Variants in ZNF714 observed in about 807,000 individuals in gnomAD.
ZNF714 encodes the protein zinc finger protein 714.
Under a neutral mutation model 46.2 loss-of-function variants are expected in ZNF714, and 32 were observed. The observed-to-expected ratio is 0.69, with a 90% CI of 0.52 to 0.93. The LOEUF (loss-of-function observed/expected upper bound fraction) is 0.93, where lower values mean the gene tolerates loss of function less well. Ranked by LOEUF, ZNF714 falls within the 40% of genes least tolerant of loss-of-function variation. The pLI, the probability that ZNF714 is intolerant of heterozygous loss-of-function variation, is 0.00. For missense variants in ZNF714, 635 were observed against 646.3 expected (o/e 0.98, Z 0.19); for synonymous variants, 199 against 213.1 (o/e 0.93, Z 0.58).
rs755171227 is a variant in ZNF714 at position 21,098,835 on chromosome 19, G to C, written c.67G>C (p.Asp23His). The C allele has an allele frequency of 4.4e-6, 7 of 1,608,948 alleles. No homozygotes were observed. The highest frequency in any genetic ancestry group is 5.9e-6 in the Non-Finnish European group (7 of 1,178,036). Residue 23 changes from aspartate (D) to histidine (H), a missense_variant, in exon 4 of 5, where the codon GAC becomes CAC. Asp to His is a moderately conservative substitution (Grantham distance 81, BLOSUM62 -1). Transcript: ENST00000456283. ...AGCAGGTATTGCTGTCTCTAAGCAA[G>C]ACCCGATCACCAGTCTAGAGCAAGA... is the stretch of plus-strand genomic sequence containing the variant. Reference protein sequence around the residue: ...FLAGIAVSKQDPITSLEQEKE... With the variant: ...FLAGIAVSKQHPITSLEQEKE...
intron 4 of ZNF714, among the ~76,000 whole-genome samples, chr19:21,104,541 A>T (rs1479324617): frequency 3.1e-5 from 2 of 63,952 alleles, no homozygotes; most frequent in East Asian, 8.2e-4. Flanking sequence ...TTGGTGTTTT[A>T]AAAAAAGGTA....
intron 4 of ZNF714, among the ~76,000 whole-genome samples, chr19:21,116,462 C>G (rs10413561): frequency 0.056 from 8,444 of 152,094 alleles, 774 homozygotes; most frequent in African/African-American, 0.19. Flanking sequence ...AAAAAGAAAC[C>G]AAAAGTTAGC....
At position 21,123,926 on chromosome 19, in the gene ZNF714, T is replaced by G. The variant is rs1409181402; in HGVS notation, c.*5594T>G. 2 of 152,200 alleles carry G rather than the reference T, an allele frequency of 1.3e-5. No individual in the cohort carries two copies. The highest frequency in any genetic ancestry group is 2.9e-5 in the Non-Finnish European group (2 of 68,032). 9.4% of individuals were successfully genotyped at this position (152,200 alleles called of 1,614,324 possible). A position where few individuals can be genotyped will look rare whatever the true frequency, so the allele number is the denominator to read the frequency against. On this transcript the variant is annotated 3_prime_UTR_variant, in exon 5 of 5. Transcript: ENST00000456283. ...TGGGTCATTTTCTCTGAAAAACATTTGGAGATCATGACAAGTTTTGGATTA... is the reference window on the plus strand; with the variant it reads ...TGGGTCATTTTCTCTGAAAAACATTGGGAGATCATGACAAGTTTTGGATTA...
At chr19:21,096,538 A>T (rs1363741636) in intron 2 of ZNF714, among the ~76,000 whole-genome samples, 2 of 152,236 alleles carry the variant, frequency 1.3e-5, no homozygotes, top group Non-Finnish European at 2.9e-5. Flanking sequence ...TTTGTTTCAC[A>T]TACTTTTAAA....
At chr19:21,095,629 AT>A (rs912723869) in intron 2 of ZNF714, among the ~76,000 whole-genome samples, 16 of 148,120 alleles carry the variant, frequency 1.1e-4, no homozygotes, top group African/African-American at 2.2e-4. Context: ...CACCCAGCTA[AT>A]TTTTTTTTTG....
chr19:21,102,133 A>T, intron 4 of ZNF714, among the ~76,000 whole-genome samples: 1 of 152,146 alleles, frequency 6.6e-6, no homozygotes, highest in East Asian at 1.9e-4. Context: ...ATGACTGAAA[A>T]ACTTTTTTGC....
Position 21,086,565 on chromosome 19 carries a change from G to C in ZNF714, c.-85+2496G>C, listed in dbSNP as rs535523982. Among the ~76,000 whole-genome samples the C allele has an allele frequency of 2.0e-5, 3 of 152,232 alleles. No individual in the cohort carries two copies. In the South Asian group the frequency reaches 6.2e-4, roughly 32 times the overall value. ...AAGAGTGTAGCAGTGAGGGTGACCAGAGGTCACTCTCGTCACATCTTGGTT... is the reference window on the plus strand; with the variant it reads ...AAGAGTGTAGCAGTGAGGGTGACCACAGGTCACTCTCGTCACATCTTGGTT... On this transcript the variant is annotated intron_variant, in intron 2 of 4. Coordinates refer to ENST00000456283, the MANE Select transcript of ZNF714 (RefSeq NM_182515.4).
rs1055696407 is a variant in ZNF714 at position 21,123,516 on chromosome 19, G to A, written c.*5184G>A. On this transcript the variant is annotated 3_prime_UTR_variant, in exon 5 of 5. Coordinates refer to ENST00000456283, the MANE Select transcript of ZNF714 (RefSeq NM_182515.4). ...ACTACAGGCGCCCGCTACCGCACCC[G>A]TCTAATTTTTTTGTATTTTTAGTAG... Among the ~76,000 whole-genome samples the A allele has an allele frequency of 1.3e-5, 2 of 151,812 alleles. No homozygotes were observed. Among genetic ancestry groups the A allele is most frequent in the African/African-American group, 4.8e-5 (2 of 41,336 alleles).
intron 2 of ZNF714, among the ~76,000 whole-genome samples, chr19:21,095,401 G>A (rs1019272640): frequency 2.0e-4 from 31 of 152,006 alleles, no homozygotes; most frequent in Middle Eastern, 3.2e-3. Flanking sequence ...AGTAAATACC[G>A]TGGGCTCCCA....
In ZNF714 at chr19:21,117,908, A is replaced by C. The variant is rs780859538; in HGVS notation, c.1244A>C (p.His415Pro). ...AFNQSSNLTK[H>P]KIIHTGEKLY... is the part of the protein sequence containing the mutation. ...AACCAATCCTCAAACCTTACCAAAC[A>C]TAAGATAATTCATACTGGAGAGAAA... The change falls in exon 5 of 5, where the codon CAT becomes CCT. Residue 415 changes from histidine to proline, a missense_variant. Physicochemically the swap from His to Pro is moderately conservative, Grantham distance 77. Coordinates refer to ENST00000456283, the MANE Select transcript of ZNF714 (RefSeq NM_182515.4). 4 of 1,613,016 alleles carry C rather than the reference A, an allele frequency of 2.5e-6. No individual in the cohort carries two copies. The highest frequency in any genetic ancestry group is 3.4e-6 in the Non-Finnish European group (4 of 1,179,874).
At chr19:21,104,509 T>C (rs1424947161) in intron 4 of ZNF714, among the ~76,000 whole-genome samples, 1 of 146,498 alleles carries the variant, frequency 6.8e-6, no homozygotes, top group African/African-American at 2.5e-5. Context: ...ATAGTTTTAT[T>C]TTCATTGCAT....
At chr19:21,096,870 T>G (rs1390683265) in intron 2 of ZNF714, among the ~76,000 whole-genome samples, 1 of 152,088 alleles carries the variant, frequency 6.6e-6, no homozygotes, top group Non-Finnish European at 1.5e-5. Flanking sequence ...ATTTATTTAT[T>G]TATTTTTATT....
At chr19:21,106,065 A>G (rs1245760342) in intron 4 of ZNF714, among the ~76,000 whole-genome samples, 1 of 151,918 alleles carries the variant, frequency 6.6e-6, no homozygotes, top group Non-Finnish European at 1.5e-5. Context: ...CAGCGTGGCC[A>G]ACATATAGTG....
At chr19:21,084,262 A>G (rs1968724660) in intron 2 of ZNF714, among the ~76,000 whole-genome samples, 193 bp downstream of exon 2, 1 of 151,998 alleles carries the variant, frequency 6.6e-6, no homozygotes, top group Non-Finnish European at 1.5e-5. Flanking sequence ...AACAAACAAA[A>G]AACACAAAAA....
chr19:21,083,263 G>T (rs1277437523), intron 1 of ZNF714, among the ~76,000 whole-genome samples: 1 of 152,120 alleles, frequency 6.6e-6, no homozygotes, highest in Non-Finnish European at 1.5e-5. Context: ...TCGAACTCCC[G>T]ACCTCAGGTG....
chr19:21,092,547 T>C (rs1968934170), intron 2 of ZNF714, among the ~76,000 whole-genome samples: 1 of 152,202 alleles, frequency 6.6e-6, no homozygotes, highest in South Asian at 2.1e-4. Context: ...CTCCGTCCAC[T>C]TACATTGCAT....
chr19:21,111,589 G>A lies in ZNF714; in HGVS notation c.143-5218G>A, dbSNP rs536944296. ...TACTGCTTATTTATTTCTCTTGCCTGATTTCGCTGGCTGGAACTTCCAATA... is the reference window on the plus strand; with the variant it reads ...TACTGCTTATTTATTTCTCTTGCCTAATTTCGCTGGCTGGAACTTCCAATA... On this transcript the variant is annotated intron_variant, in intron 4 of 4. Transcript: ENST00000456283. 3.3e-5 allele frequency among the ~76,000 whole-genome samples: 5 copies of A among 152,234 alleles called. No homozygotes were observed. In the East Asian group the frequency reaches 9.7e-4, roughly 29 times the overall value.
rs1969713200 is a variant in ZNF714 at position 21,122,118 on chromosome 19, A to G, written c.*3786A>G. On this transcript the variant is annotated 3_prime_UTR_variant, in exon 5 of 5. Coordinates refer to ENST00000456283, the MANE Select transcript of ZNF714 (RefSeq NM_182515.4). ...ATAAGTATATTTATTTATTGAGTCA[A>G]TTTGTTCAGGTAAGTACTGGGGGGC... The G allele has an allele frequency of 6.6e-6, 1 of 152,118 alleles. No homozygotes were observed. The highest frequency in any genetic ancestry group is 1.5e-5 in the Non-Finnish European group (1 of 68,014). The allele number at this position is 152,118 out of a possible 1,614,324, so 9.4% of individuals were successfully genotyped here.
In ZNF714 at chr19:21,117,379, T is replaced by C. The variant is rs755919653; in HGVS notation, c.715T>C (p.Tyr239His). Reference protein sequence around the residue: ...YRCEECGKAFYHSSHLTTHKV... With the variant: ...YRCEECGKAFHHSSHLTTHKV... Reference sequence around the variant, plus strand: ...ATGTGAAGAATGTGGCAAAGCCTTCTACCATTCTTCACACCTTACTACACA... The same window carrying C: ...ATGTGAAGAATGTGGCAAAGCCTTCCACCATTCTTCACACCTTACTACACA... The change falls in exon 5 of 5, where the codon TAC becomes CAC. Residue 239 changes from tyrosine to histidine, a missense_variant. Physicochemically the swap from Tyr to His is moderately conservative, Grantham distance 83. Coordinates refer to ENST00000456283, the MANE Select transcript of ZNF714 (RefSeq NM_182515.4). 1.9e-6 allele frequency: 3 copies of C among 1,601,658 alleles called. No homozygotes were observed. Among genetic ancestry groups the C allele is most frequent in the South Asian group, 2.2e-5 (2 of 89,926 alleles).
Sources: gnomAD v4.1 joint callset for allele counts (sites outside exome capture counted in the v4.1 genomes callset) on GRCh38, gnomAD v4.1.1 for gene constraint, MANE v1.5 for transcripts, NCBI Gene and HGNC (gene_info 2026-07-23, HGNC 2026-07-21) for gene names.